Variants in FER observed in about 807,000 individuals in gnomAD.
The protein encoded by FER is tyrosine-protein kinase Fer.
A neutral mutation model predicts 111.0 loss-of-function variants in FER; 63 were observed. That is an observed-to-expected ratio of 0.57 (90% CI 0.46 to 0.70). The LOEUF (loss-of-function observed/expected upper bound fraction) is 0.70, where lower values mean the gene tolerates loss of function less well. Among genes scored for constraint, FER ranks in the 30% least tolerant of loss-of-function variants. The pLI, the probability that FER is intolerant of heterozygous loss-of-function variation, is 0.00. For missense variants in FER, 914 were observed against 954.0 expected (o/e 0.96, Z 0.55); for synonymous variants, 327 against 313.9 (o/e 1.04, Z -0.44).
chr5:109,002,428 A>G (rs1764910002), intron 13 of FER, among the ~76,000 whole-genome samples: 1 of 151,814 alleles, frequency 6.6e-6, no homozygotes, highest in South Asian at 2.1e-4. Flanking sequence ...ATATGTAGAA[A>G]GCTGAAACTG....
chr5:108,858,766 A>ATT (rs75243334), intron 5 of FER, among the ~76,000 whole-genome samples: 95 of 124,704 alleles, frequency 7.6e-4, no homozygotes, highest in African/African-American at 1.5e-3. Flanking sequence ...CAGTTTTTTC[A>ATT]TTTTTTTTTT....
intron 13 of FER, among the ~76,000 whole-genome samples, chr5:108,974,377 A>T (rs1052129037): frequency 3.3e-5 from 5 of 152,192 alleles, no homozygotes; most frequent in African/African-American, 1.2e-4. Context: ...AGGGCCTGAG[A>T]CAGCATAGTT....
At chr5:108,843,776 C>T (rs1317733587) in intron 5 of FER, among the ~76,000 whole-genome samples, 1 of 151,964 alleles carries the variant, frequency 6.6e-6, no homozygotes, top group African/African-American at 2.4e-5. Context: ...ATCCACCCAC[C>T]TCAGCCTCCC....
At chr5:108,860,534 A>G (rs1763415446) in intron 5 of FER, among the ~76,000 whole-genome samples, 1 of 152,240 alleles carries the variant, frequency 6.6e-6, no homozygotes, top group Admixed American at 6.5e-5. Flanking sequence ...TGTCAGAACC[A>G]CACTGAGTAA....
intron 3 of FER, chr5:108,820,617 A>G (rs1164094042): frequency 9.5e-5 from 84 of 884,088 alleles, no homozygotes; most frequent in Non-Finnish European, 1.1e-4. Context: ...CCCGGTAGTC[A>G]TGTGGTTCTC....
intron 17 of FER, among the ~76,000 whole-genome samples, chr5:109,113,823 A>G (rs1304356732): frequency 6.6e-6 from 1 of 152,222 alleles, no homozygotes; most frequent in African/African-American, 2.4e-5. Flanking sequence ...GGATAATGAT[A>G]TTTAGTGGAA....
At chr5:108,868,888 A>T (rs1405163710) in intron 6 of FER, among the ~76,000 whole-genome samples, 1 of 152,158 alleles carries the variant, frequency 6.6e-6, no homozygotes, top group Admixed American at 6.6e-5. Context: ...AATTGATATG[A>T]AAAATTATTA....
At chr5:108,830,564 T>C (rs1034179941) in intron 3 of FER, 1 of 152,202 alleles carries the variant, frequency 6.6e-6, no homozygotes, top group Non-Finnish European at 1.5e-5. Context: ...ATTATTATTA[T>C]TATTGCTACT....
At chr5:109,052,278 A>G in intron 16 of FER, 3 of 1,609,028 alleles carry the variant, frequency 1.9e-6, no homozygotes, top group Middle Eastern at 1.7e-4. Context: ...CATTTTCACA[A>G]CCAGGTTGCT....
intron 13 of FER, among the ~76,000 whole-genome samples, chr5:108,974,521 T>G (rs975770961): frequency 2.0e-5 from 3 of 152,116 alleles, no homozygotes; most frequent in Admixed American, 1.3e-4. Context: ...AAAAGAGGCA[T>G]GGTAGATAGA....
In FER at chr5:109,194,288, G is replaced by GT. The variant is rs1759583024; in HGVS notation, c.*6719dup. On this transcript the variant is annotated 3_prime_UTR_variant, in exon 20 of 20. Transcript: ENST00000281092. ...TATTTCAATTGTGTAATGTTAAGGA[G>GT]TTTTTTCATAGCTTCAGAAAAGAGG... 6.6e-6 allele frequency: 1 copy of GT among 152,124 alleles called. No individual in the cohort carries two copies. The highest frequency in any genetic ancestry group is 1.5e-5 in the Non-Finnish European group (1 of 68,018). The allele number at this position is 152,124 out of a possible 1,614,324, so 9.4% of individuals were successfully genotyped here.
chr5:108,884,793 A>G (rs1299358618), intron 9 of FER, among the ~76,000 whole-genome samples: 2 of 152,024 alleles, frequency 1.3e-5, no homozygotes, highest in East Asian at 1.9e-4. Flanking sequence ...CATTTCCTCA[A>G]TTCCCACTTA....
intron 5 of FER, among the ~76,000 whole-genome samples, chr5:108,856,250 G>A (rs185092757): frequency 6.6e-6 from 1 of 152,066 alleles, no homozygotes; most frequent in Non-Finnish European, 1.5e-5. Flanking sequence ...TAAAAATGGG[G>A]TTCACAGACT....
chr5:109,011,636 T>A (rs1047233404), intron 13 of FER, among the ~76,000 whole-genome samples: 7 of 152,196 alleles, frequency 4.6e-5, no homozygotes, highest in African/African-American at 1.7e-4. Flanking sequence ...ATGTTTATGT[T>A]TTTAGCAGGG....
At chr5:108,987,507 G>A (rs1299365734) in intron 13 of FER, among the ~76,000 whole-genome samples, 2 of 152,092 alleles carry the variant, frequency 1.3e-5, no homozygotes, top group African/African-American at 4.8e-5. Flanking sequence ...CACCTCAGTG[G>A]TTAGGTATAT....
chr5:108,897,804 C>G lies in FER; in HGVS notation c.1192C>G (p.Pro398Ala). 1.9e-6 allele frequency: 3 copies of G among 1,612,686 alleles called. No individual in the cohort carries two copies. Among genetic ancestry groups the G allele is most frequent in the Non-Finnish European group, 2.5e-6 (3 of 1,179,442 alleles). Residue 398 changes from proline to alanine, a missense_variant, in exon 10 of 20, where the codon CCA (proline) becomes GCA (alanine). Pro to Ala is a conservative substitution (Grantham distance 27). This residue lies in a region of FER where 774 missense variants were observed against 782.6 expected (regional missense o/e 0.99). Transcript: ENST00000281092. ...VQENDGKEPP[P>A]VVNYEEDARS... ...AGAAAATGATGGGAAAGAGCCACCT[C>G]CAGTAGTAAATTATGAAGAAGATGC...
chr5:108,958,839 A>G (rs890958277), intron 12 of FER, among the ~76,000 whole-genome samples: 2 of 151,898 alleles, frequency 1.3e-5, no homozygotes, highest in African/African-American at 4.8e-5. Flanking sequence ...AATGGAACAC[A>G]TATGTAGACA....
chr5:109,110,577 G>A (rs1372851432), intron 17 of FER, among the ~76,000 whole-genome samples: 1 of 152,034 alleles, frequency 6.6e-6, no homozygotes, highest in Non-Finnish European at 1.5e-5. Context: ...ACATGAGGTG[G>A]GGGTAATTGA....
At chr5:109,008,092 G>C (rs927873375) in intron 13 of FER, among the ~76,000 whole-genome samples, 4 of 152,036 alleles carry the variant, frequency 2.6e-5, no homozygotes, top group African/African-American at 9.7e-5. Flanking sequence ...GGGCACTTTT[G>C]ACAACCACAG....
Sources: gnomAD v4.1 joint callset for allele counts (sites outside exome capture counted in the v4.1 genomes callset) on GRCh38, gnomAD v4.1.1 for gene constraint, gnomAD v4.1.1 regional missense constraint, MANE v1.5 for transcripts, NCBI Gene and HGNC (gene_info 2026-07-23, HGNC 2026-07-21) for gene names.